The following KHDRBS2 variants were observed in gnomAD, a reference collection of about 807,000 sequenced individuals.
KHDRBS2 encodes KH RNA binding domain containing, signal transduction associated 2.
A neutral mutation model predicts 44.3 loss-of-function variants in KHDRBS2; 26 were observed. The ratio of observed to expected loss-of-function variants is 0.59; its 90% confidence interval spans 0.43 to 0.81. The LOEUF is 0.81. KHDRBS2 is among the 40% of genes least tolerant of loss of function. The pLI is 0.00. For missense variants in KHDRBS2, 476 were observed against 433.1 expected (o/e 1.10, Z -0.88); for synonymous variants, 194 against 151.1 (o/e 1.28, Z -2.08).
At chr6:61,576,223 ATGT>A in the KHDRBS2 span, among the ~76,000 whole-genome samples, 1 of 152,150 alleles carries the variant, frequency 6.6e-6, no homozygotes, top group East Asian at 1.9e-4. Context: ...TGAGTGTGAA[ATGT>A]TGGTTCATTT....
intron 7 of KHDRBS2, among the ~76,000 whole-genome samples, chr6:61,722,676 T>C (rs575173776): frequency 3.9e-5 from 6 of 152,028 alleles, no homozygotes; most frequent in Non-Finnish European, 7.4e-5. Context: ...ATTAATATTG[T>C]TTGTAAATGC....
chr6:62,201,774 A>G (rs1042917426), intron 1 of KHDRBS2, among the ~76,000 whole-genome samples: 1 of 152,124 alleles, frequency 6.6e-6, no homozygotes, highest in African/African-American at 2.4e-5. Context: ...TTTATTAAAA[A>G]TAGATAATAT....
intron 7 of KHDRBS2, among the ~76,000 whole-genome samples, chr6:61,729,163 T>C (rs1044011945): frequency 2.0e-5 from 3 of 152,158 alleles, no homozygotes; most frequent in African/African-American, 7.2e-5. Context: ...AAGAATGAGA[T>C]CATGTCCTTT....
intron 6 of KHDRBS2, among the ~76,000 whole-genome samples, chr6:61,736,873 A>C (rs897488441): frequency 3.2e-4 from 49 of 152,050 alleles, no homozygotes; most frequent in African/African-American, 1.2e-3. Flanking sequence ...ATACCTAAAC[A>C]TATACTATAT....
chr6:62,103,316 A>G (rs1285041615), intron 2 of KHDRBS2, among the ~76,000 whole-genome samples: 1 of 152,108 alleles, frequency 6.6e-6, no homozygotes, highest in Non-Finnish European at 1.5e-5. Flanking sequence ...CGTGAAGGGG[A>G]ACAGCCTTCA....
chr6:62,070,607 G>C (rs187448160), intron 2 of KHDRBS2, among the ~76,000 whole-genome samples: 91 of 151,850 alleles, frequency 6.0e-4, no homozygotes, highest in African/African-American at 2.1e-3. Context: ...TTTTGTCCTT[G>C]CGACAGTTTG....
intron 2 of KHDRBS2, among the ~76,000 whole-genome samples, chr6:62,145,042 A>C (rs1813634608): frequency 6.6e-6 from 1 of 152,006 alleles, no homozygotes; most frequent in South Asian, 2.1e-4. Context: ...TGAGGGTCTC[A>C]CCAGAAGCAT....
intron 6 of KHDRBS2, among the ~76,000 whole-genome samples, chr6:61,769,740 G>A (rs1378207793): frequency 6.6e-6 from 1 of 152,258 alleles, no homozygotes; most frequent in Non-Finnish European, 1.5e-5. Flanking sequence ...GCCTGCCTCT[G>A]TAGGCTCCAC....
Position 61,951,607 on chromosome 6 carries a change from C to T in KHDRBS2, c.483+26459G>A, listed in dbSNP as rs1308913329. On this transcript the variant is annotated intron_variant, in intron 4 of 8. Coordinates refer to ENST00000281156, the MANE Select transcript of KHDRBS2 (RefSeq NM_152688.4). ...TGTGTGATTGCTTACTCATGCAGTT[C>T]CTTTAAATCTATTAGACACACAGTA... 2.0e-5 allele frequency among the ~76,000 whole-genome samples: 3 copies of T among 151,912 alleles called. No homozygotes were observed. In the East Asian group the frequency reaches 5.8e-4, roughly 29 times the overall value.
chr6:61,980,850 C>T (rs1286283030), intron 3 of KHDRBS2, among the ~76,000 whole-genome samples: 1 of 152,202 alleles, frequency 6.6e-6, no homozygotes, highest in Non-Finnish European at 1.5e-5. Flanking sequence ...CCAGTTTCAG[C>T]CAGCTTATAG....
At chr6:61,709,408 A>G (rs1770127014) in intron 7 of KHDRBS2, among the ~76,000 whole-genome samples, 1 of 151,596 alleles carries the variant, frequency 6.6e-6, no homozygotes, top group South Asian at 2.1e-4. Flanking sequence ...CAGCTTTGCA[A>G]TGATTCCTTT....
chr6:61,585,323 G>A, the KHDRBS2 span, among the ~76,000 whole-genome samples: 1 of 151,938 alleles, frequency 6.6e-6, no homozygotes, highest in African/African-American at 2.4e-5. Flanking sequence ...TCATTTGTAA[G>A]CCTTCATCCA....
chr6:61,548,763 T>C, the KHDRBS2 span, among the ~76,000 whole-genome samples: 1 of 152,046 alleles, frequency 6.6e-6, no homozygotes, highest in Non-Finnish European at 1.5e-5. Context: ...TCACCACAGA[T>C]AAGTTCTGGT....
chr6:61,961,675 A>G (rs1360231644), intron 4 of KHDRBS2, among the ~76,000 whole-genome samples: 1 of 152,064 alleles, frequency 6.6e-6, no homozygotes, highest in African/African-American at 2.4e-5. Context: ...CTAAGGAGAG[A>G]GCAAGCCTGA....
Position 61,695,993 on chromosome 6 carries a change from C to T in KHDRBS2, c.952+1202G>A, listed in dbSNP as rs369878684. On this transcript the variant is annotated intron_variant, in intron 8 of 8. Transcript: ENST00000281156. ...TAATTTATTTATTTTTGTTAGAGAC[C>T]GGGTCTCACTATGTTGCCTAGGCTG... 1.1e-4 allele frequency among the ~76,000 whole-genome samples: 17 copies of T among 151,770 alleles called. No homozygotes were observed. In the South Asian group the frequency reaches 2.7e-3, roughly 24 times the overall value.
the KHDRBS2 span, among the ~76,000 whole-genome samples, chr6:61,658,564 A>C: frequency 5.3e-5 from 8 of 151,988 alleles, no homozygotes; most frequent in Admixed American, 5.3e-4. Context: ...TCCATAGTAC[A>C]CCTCAAAATC....
chr6:61,574,905 T>C, the KHDRBS2 span, among the ~76,000 whole-genome samples: 1 of 151,802 alleles, frequency 6.6e-6, no homozygotes, highest in Admixed American at 6.6e-5. Flanking sequence ...CGAAATACCA[T>C]CTCAAAAAAA....
At chr6:61,608,225 G>A in the KHDRBS2 span, among the ~76,000 whole-genome samples, 1,369 of 151,700 alleles carry the variant, frequency 9.0e-3, 27 homozygotes, top group African/African-American at 0.032. Context: ...TAACATTTCT[G>A]CTTGTTTTAT....
chr6:62,050,094 C>T (rs1788644316), intron 2 of KHDRBS2, among the ~76,000 whole-genome samples: 1 of 151,994 alleles, frequency 6.6e-6, no homozygotes, highest in Non-Finnish European at 1.5e-5. Context: ...ACATATACAC[C>T]ATGGAATGTT....
Sources: gnomAD v4.1 joint callset for allele counts (sites outside exome capture counted in the v4.1 genomes callset) on GRCh38, gnomAD v4.1.1 for gene constraint, MANE v1.5 for transcripts, NCBI Gene and HGNC (gene_info 2026-07-23, HGNC 2026-07-21) for gene names.